Variants in SVIL observed in about 807,000 individuals in gnomAD.
SVIL encodes supervillin, also known as archvillin.
In SVIL, 101 loss-of-function variants were observed where a neutral mutation model predicts 240.4. That is an observed-to-expected ratio of 0.42 (90% CI 0.36 to 0.50). The LOEUF (loss-of-function observed/expected upper bound fraction) is 0.50. Ranked by LOEUF, SVIL falls within the 20% of genes least tolerant of loss-of-function variation. The pLI, the probability that SVIL is intolerant of heterozygous loss-of-function variation, is 0.01. For synonymous variants in SVIL, 999 were observed against 1,100.0 expected (o/e 0.91, Z 1.82); for missense variants, 2,512 against 2,818.7 (o/e 0.89, Z 2.46).
intron 1 of SVIL, among the ~76,000 whole-genome samples, chr10:29,720,742 G>A (rs552899223): frequency 3.2e-4 from 49 of 152,256 alleles, no homozygotes; most frequent in African/African-American, 1.2e-3. Context: ...CAATACAAAG[G>A]CCAAGATGGA....
intron 2 of SVIL, among the ~76,000 whole-genome samples, chr10:29,670,615 AT>A (rs1959691275): frequency 6.6e-6 from 1 of 152,150 alleles, no homozygotes; most frequent in Non-Finnish European, 1.5e-5. Flanking sequence ...GGCTTTATAG[AT>A]TATTTTCTTC....
At chr10:29,628,277 GGTTT>G (rs140510549) in intron 1 of SVIL, among the ~76,000 whole-genome samples, 17 of 152,214 alleles carry the variant, frequency 1.1e-4, no homozygotes, top group African/African-American at 2.6e-4. Context: ...TGGCTGGAGC[GGTTT>G]GTTTGTTTTG....
Position 29,666,217 on chromosome 10 carries a change from G to C in SVIL, c.-300-8149C>G, listed in dbSNP as rs540808197. 1.2e-3 allele frequency among the ~76,000 whole-genome samples: 185 copies of C among 152,220 alleles called. 1 individual carries two copies. Among genetic ancestry groups the C allele is most frequent in the Non-Finnish European group, 1.1e-3 (78 of 68,028 alleles). On this transcript the variant is annotated intron_variant, in intron 2 of 35. Coordinates refer to the SVIL transcript ENST00000375400. ...ACAAGCGTGAGCCACCGTGTACCTG[G>C]CCTACTCCTAACCATTATGCTCTGA...
chr10:29,631,303 G>A lies in SVIL; in HGVS notation c.-201+3117C>T, dbSNP rs116589543. On this transcript the variant is annotated intron_variant, in intron 1 of 37. Coordinates refer to ENST00000355867, the MANE Select transcript of SVIL (RefSeq NM_021738.3). ...GGCTAGACCAGACGGAGGAGAAACC[G>A]AGGGCCAAGGGATCCATTAAGGGCA... 2.2e-3 allele frequency among the ~76,000 whole-genome samples: 334 copies of A among 152,336 alleles called. 1 individual carries two copies. The highest frequency in any genetic ancestry group is 7.7e-3 in the African/African-American group (321 of 41,580).
intron 13 of SVIL, among the ~76,000 whole-genome samples, chr10:29,525,097 A>G (rs1294957682): frequency 6.6e-6 from 1 of 152,206 alleles, no homozygotes; most frequent in Non-Finnish European, 1.5e-5. Flanking sequence ...TTATCTAAAG[A>G]TATGGTTCAG....
intron 12 of SVIL, among the ~76,000 whole-genome samples, chr10:29,529,258 A>C (rs1951179680): frequency 6.6e-6 from 1 of 150,936 alleles, no homozygotes; most frequent in African/African-American, 2.4e-5. Context: ...CTTATCTTTT[A>C]GAGGGGCGTA....
chr10:29,558,933 A>T (rs1360349569), intron 3 of SVIL, among the ~76,000 whole-genome samples: 1 of 73,728 alleles, frequency 1.4e-5, no homozygotes, highest in Non-Finnish European at 2.7e-5. Flanking sequence ...GCCTCGAAAT[A>T]TATATATATA....
chr10:29,571,699 A>G (rs1367926657), intron 1 of SVIL, among the ~76,000 whole-genome samples: 1 of 152,254 alleles, frequency 6.6e-6, no homozygotes, highest in Non-Finnish European at 1.5e-5. Flanking sequence ...CACAATATGT[A>G]GTTGATGAGC....
chr10:29,689,818 G>A lies in SVIL; in HGVS notation c.-399-3167C>T, dbSNP rs564336867. Among the ~76,000 whole-genome samples, 31 of 152,148 alleles carry A rather than the reference G, an allele frequency of 2.0e-4. No individual in the cohort carries two copies. The East Asian group carries it at 5.0e-3, about 25-fold the overall frequency. ...CCCTAATTCTGTTAGTGACTGTCTCGTACCTCCCACAGATGTATGTCCACT... is the reference window on the plus strand; with the variant it reads ...CCCTAATTCTGTTAGTGACTGTCTCATACCTCCCACAGATGTATGTCCACT... On this transcript the variant is annotated intron_variant, in intron 1 of 35. Transcript: ENST00000375400.
chr10:29,694,698 A>T lies in SVIL; in HGVS notation c.-399-8047T>A, dbSNP rs554287939. ...TGGTCCCAAACTCCTAACCTCAAGT[A>T]ATCCTTCCACCTCGGCCTCCCAAAG... On this transcript the variant is annotated intron_variant, in intron 1 of 35. Transcript: ENST00000375400. Among the ~76,000 whole-genome samples, 213 of 152,282 alleles carry T rather than the reference A, an allele frequency of 1.4e-3. 3 individuals are homozygous for T. Among genetic ancestry groups the T allele is most frequent in the African/African-American group, 4.8e-3 (199 of 41,564 alleles).
At chr10:29,523,317 C>T (rs1348908032) in intron 15 of SVIL, 134 bp downstream of exon 15, 15 of 772,800 alleles carry the variant, frequency 1.9e-5, no homozygotes, top group East Asian at 5.5e-5. Flanking sequence ...ATAGGATTCC[C>T]GCTGAACTTT....
chr10:29,631,423 C>T (rs541817122), intron 1 of SVIL, among the ~76,000 whole-genome samples: 25 of 146,798 alleles, frequency 1.7e-4, no homozygotes, highest in African/African-American at 6.1e-4. Flanking sequence ...GTGGGCAGAT[C>T]ATGAGGTCAG....
rs189272031 is a variant in SVIL, at chr10:29,499,311, G to A, written c.3517-48C>T. On this transcript the variant is annotated intron_variant, in intron 17 of 37. Transcript: ENST00000355867. The stretch of plus-strand genomic sequence containing the variant: ...GAAAACAGGAGAGAGAAATGACAGC[G>A]GTGTGGACCTCAGCCTGCAGCATTT... The A allele has an allele frequency of 3.4e-4, 546 of 1,609,914 alleles. 3 individuals are homozygous for A. In the African/African-American group the frequency reaches 6.5e-3, roughly 19 times the overall value.
At chr10:29,656,193 T>A (rs1247455) in intron 3 of SVIL, among the ~76,000 whole-genome samples, 26,464 of 150,934 alleles carry the variant, frequency 0.18, 2,478 homozygotes, top group South Asian at 0.34. Context: ...TTTTTTTTTT[T>A]AAAAACATGA....
intron 1 of SVIL, among the ~76,000 whole-genome samples, chr10:29,607,763 G>A (rs1957078584): frequency 6.6e-6 from 1 of 152,200 alleles, no homozygotes; most frequent in African/African-American, 2.4e-5. Context: ...GCACATCCCT[G>A]AGTCAGAGAT....
chr10:29,458,231 T>G lies in SVIL; in HGVS notation c.*16A>C. The G allele has an allele frequency of 6.2e-7, 1 of 1,612,956 alleles. No individual in the cohort carries two copies. Among genetic ancestry groups the G allele is most frequent in the Non-Finnish European group, 8.5e-7 (1 of 1,179,378 alleles). On this transcript the variant is annotated 3_prime_UTR_variant, in exon 38 of 38. Transcript: ENST00000355867. The stretch of plus-strand genomic sequence containing the variant: ...TTGTTGGACGTGACCGTGAGGCTCC[T>G]CTGGCGTCTCCCCACTCAGAACAGG...
At chr10:29,465,029 A>G (rs1944728506) in intron 34 of SVIL, among the ~76,000 whole-genome samples, 1 of 152,156 alleles carries the variant, frequency 6.6e-6, no homozygotes. Context: ...ATACCCCAAC[A>G]TCCTTCTCCT....
chr10:29,667,228 G>A (rs942086687), intron 2 of SVIL, among the ~76,000 whole-genome samples: 3 of 151,966 alleles, frequency 2.0e-5, no homozygotes, highest in African/African-American at 7.3e-5. Flanking sequence ...ACTAAAATAT[G>A]GAAACAATCT....
At chr10:29,695,308 G>T (rs373111485) in intron 1 of SVIL, among the ~76,000 whole-genome samples, 58 of 152,252 alleles carry the variant, frequency 3.8e-4, no homozygotes, top group African/African-American at 1.4e-3. Flanking sequence ...GGATGAAAAA[G>T]TACTTATTGG....
Sources: gnomAD v4.1 joint callset for allele counts (sites outside exome capture counted in the v4.1 genomes callset) on GRCh38, gnomAD v4.1.1 for gene constraint, MANE v1.5 for transcripts, NCBI Gene and HGNC (gene_info 2026-07-23, HGNC 2026-07-21) for gene names.